The following SPATC1 variants were observed in gnomAD, a reference collection of about 807,000 sequenced individuals.
SPATC1 encodes the protein spermatogenesis and centriole associated 1, also known as speriolin.
A neutral mutation model predicts 36.5 loss-of-function variants in SPATC1; 35 were observed. That is an observed-to-expected ratio of 0.96 (90% CI 0.73 to 1.27). The LOEUF (loss-of-function observed/expected upper bound fraction) is 1.27. Among genes scored for constraint, SPATC1 ranks in the 50% most tolerant of loss-of-function variants. The pLI, the probability that SPATC1 is intolerant of heterozygous loss-of-function variation, is 0.00. For missense variants in SPATC1, 779 were observed against 796.0 expected, an observed-to-expected ratio of 0.98 and a Z score of 0.26; for synonymous variants, 361 against 353.6, an observed-to-expected ratio of 1.02 and a Z score of -0.24.
chr8:144,019,033 C>G (rs1765491363), intron 1 of SPATC1, among the ~76,000 whole-genome samples: 1 of 133,464 alleles, frequency 7.5e-6, no homozygotes, highest in Non-Finnish European at 1.5e-5. Context: ...CAGAGCGAGA[C>G]TCCGTCTCAA....
chr8:144,025,049 C>T (rs940177807), intron 1 of SPATC1, among the ~76,000 whole-genome samples: 1 of 148,304 alleles, frequency 6.7e-6, no homozygotes, highest in African/African-American at 2.5e-5. Context: ...CCCTCTCCCC[C>T]TAGGACCATC....
Position 144,040,029 on chromosome 8 carries a change from G to A in SPATC1, c.332G>A (p.Gly111Asp). 1 of 1,613,740 alleles carries A rather than the reference G, an allele frequency of 6.2e-7. No individual in the cohort carries two copies. Among genetic ancestry groups the A allele is most frequent in the Non-Finnish European group, 8.5e-7 (1 of 1,179,996 alleles). ...LTSLQPSATP[G>D]SLMSPLTGTL... ...AGCTTGCAGCCCAGCGCCACACCGG[G>A]CTCACTCATGAGCCCCCTGACAGGC... The change falls in exon 2 of 5, where the codon GGC (glycine) becomes GAC (aspartate). Residue 111 changes from glycine (G) to aspartate (D), a missense_variant. Coordinates refer to ENST00000377470, the MANE Select transcript of SPATC1 (RefSeq NM_198572.3).
At chr8:144,030,692 T>C (rs1834775877) in intron 1 of SPATC1, among the ~76,000 whole-genome samples, 2 of 152,176 alleles carry the variant, frequency 1.3e-5, no homozygotes, top group African/African-American at 4.8e-5. Context: ...TATGTCTTTT[T>C]TCCCCTCAGT....
chr8:144,036,271 G>T (rs1296046131), intron 1 of SPATC1, among the ~76,000 whole-genome samples: 4 of 152,090 alleles, frequency 2.6e-5, no homozygotes, highest in Non-Finnish European at 4.4e-5. Context: ...AAGTAAAAGA[G>T]CAGCTGACTG....
At chr8:144,038,426 C>T (rs1292659103) in intron 1 of SPATC1, among the ~76,000 whole-genome samples, 3 of 135,208 alleles carry the variant, frequency 2.2e-5, no homozygotes, top group Non-Finnish European at 4.7e-5. Context: ...GAGCGAGACT[C>T]TGTCTCAAAA....
intron 1 of SPATC1, among the ~76,000 whole-genome samples, chr8:144,028,001 A>G (rs1174281375): frequency 6.6e-6 from 1 of 152,094 alleles, no homozygotes; most frequent in Non-Finnish European, 1.5e-5. Context: ...AAAAAAAAAA[A>G]GATTATTTTA....
chr8:144,036,352 T>C (rs1193519627), intron 1 of SPATC1, among the ~76,000 whole-genome samples: 2 of 152,128 alleles, frequency 1.3e-5, no homozygotes, highest in African/African-American at 4.8e-5. Context: ...TGAGACAGGA[T>C]CTCATGCCGT....
chr8:144,041,879 C>T (rs1309265502), intron 4 of SPATC1: 16 of 868,148 alleles, frequency 1.8e-5, no homozygotes, highest in Non-Finnish European at 2.2e-5. Context: ...GTAGCCTAAG[C>T]GGGAGCTACT....
chr8:144,023,753 T>C (rs2133113433), intron 1 of SPATC1, among the ~76,000 whole-genome samples: 2 of 246 alleles, frequency 8.1e-3, no homozygotes, highest in Non-Finnish European at 0.015. Context: ...AAAACTCTCT[T>C]CCTTCAGAAC....
chr8:144,019,471 A>G (rs1171971631), intron 1 of SPATC1, among the ~76,000 whole-genome samples: 8 of 152,158 alleles, frequency 5.3e-5, no homozygotes, highest in African/African-American at 1.9e-4. Context: ...CCGTTGGCCG[A>G]GTTAACTTCA....
At position 144,040,175 on chromosome 8, in the gene SPATC1, C is replaced by T. The variant is rs782135906; in HGVS notation, c.478C>T (p.Pro160Ser). 4 of 1,610,852 alleles carry T rather than the reference C, an allele frequency of 2.5e-6. No individual in the cohort carries two copies. In the South Asian group the frequency reaches 4.4e-5, roughly 18 times the overall value. Residue 160 changes from proline to serine, a missense_variant, in exon 2 of 5, where the codon CCC becomes TCC. Physicochemically the swap from Pro to Ser is moderately conservative, Grantham distance 74. Coordinates refer to ENST00000377470, the MANE Select transcript of SPATC1 (RefSeq NM_198572.3). ...TGTLASSLGLPSTGTLTPSSL... is the reference protein window; with the variant it reads ...TGTLASSLGLSSTGTLTPSSL... ...CACACTGGCCAGTTCCCTGGGCCTG[C>T]CCTCCACTGGCACCCTGACTCCCAG... is the stretch of plus-strand genomic sequence containing the variant.
intron 1 of SPATC1, among the ~76,000 whole-genome samples, chr8:144,030,044 GTTC>G (rs1834763458): frequency 1.3e-5 from 2 of 152,126 alleles, no homozygotes; most frequent in African/African-American, 4.8e-5. Context: ...AATATATAAT[GTTC>G]TTCTTTGCCT....
intron 1 of SPATC1, among the ~76,000 whole-genome samples, chr8:144,014,992 A>T (rs1237989844): frequency 3.9e-5 from 6 of 152,262 alleles, no homozygotes; most frequent in African/African-American, 1.4e-4. Context: ...GTTTCTCACA[A>T]GGAGCGGTGC....
At chr8:144,042,309 A>ATTTTTTTTTTTT (rs1240723676) in intron 4 of SPATC1, among the ~76,000 whole-genome samples, 2 of 42,404 alleles carry the variant, frequency 4.7e-5, no homozygotes, top group Non-Finnish European at 7.1e-5. Context: ...ATATATATAT[A>ATTTTTTTTTTTT]TATTTTTTTT....
intron 1 of SPATC1, among the ~76,000 whole-genome samples, chr8:144,038,236 C>T (rs1834966602): frequency 6.6e-6 from 1 of 151,806 alleles, no homozygotes; most frequent in South Asian, 2.1e-4. Flanking sequence ...AGATCAAAAC[C>T]ATCCTGGTCA....
At position 144,013,343 on chromosome 8, in the gene SPATC1, C is replaced by T. The variant is rs1353228829; in HGVS notation, c.211+617C>T. Among the ~76,000 whole-genome samples the T allele has an allele frequency of 2.0e-5, 3 of 152,280 alleles. No homozygotes were observed. The East Asian group carries it at 5.8e-4, about 29-fold the overall frequency. Reference sequence around the variant, plus strand: ...AGCCAGCGTACCCACAGCGCAGCTTCAACTCTCCACTAGAACTCAAGATCC... The same window carrying T: ...AGCCAGCGTACCCACAGCGCAGCTTTAACTCTCCACTAGAACTCAAGATCC... On this transcript the variant is annotated intron_variant, in intron 1 of 4. Transcript: ENST00000377470.
At chr8:144,014,689 G>C (rs1275264270) in intron 1 of SPATC1, among the ~76,000 whole-genome samples, 1 of 152,162 alleles carries the variant, frequency 6.6e-6, no homozygotes, top group East Asian at 1.9e-4. Flanking sequence ...CAGCCAACTG[G>C]TTGTGAAGGG....
In SPATC1 at chr8:144,040,954, A is replaced by C. The variant is rs782583576; in HGVS notation, c.1153A>C (p.Asn385His). Residue 385 changes from asparagine to histidine, a missense_variant, in exon 3 of 5, where the codon AAC becomes CAC. Physicochemically the swap from Asn to His is moderately conservative, Grantham distance 68. Coordinates refer to ENST00000377470, the MANE Select transcript of SPATC1 (RefSeq NM_198572.3). ...NLPVPHCPPHNAHSPPRTSSS... is the reference protein window; with the variant it reads ...NLPVPHCPPHHAHSPPRTSSS... ...GCCTGTCCCCCACTGTCCTCCACACAACGCCCACTCCCCACCTCGTACCTC... is the reference window on the plus strand; with the variant it reads ...GCCTGTCCCCCACTGTCCTCCACACCACGCCCACTCCCCACCTCGTACCTC... 17 of 1,602,430 alleles carry C rather than the reference A, an allele frequency of 1.1e-5. No individual in the cohort carries two copies. The highest frequency in any genetic ancestry group is 1.4e-5 in the Non-Finnish European group (17 of 1,176,264).
Position 144,016,079 on chromosome 8 carries a change from GAAA to G in SPATC1, c.211+3357_211+3359del, listed in dbSNP as rs1338480006. On this transcript the variant is annotated intron_variant, in intron 1 of 4. Transcript: ENST00000377470. This position sits in a 1 kb window ranked among gnomAD's most constrained non-coding sequence, Gnocchi z 4.5. ...GACTCTGTCTCAAAAAAAAAAAAAA[GAAA>G]AAAGAAAGAAAGAAAGAAAAGAAAT... Among the ~76,000 whole-genome samples, 2 of 144,900 alleles carry G rather than the reference GAAA, an allele frequency of 1.4e-5. No individual in the cohort carries two copies. The highest frequency in any genetic ancestry group is 2.6e-5 in the African/African-American group (1 of 38,292).
Sources: allele counts gnomAD v4.1 joint callset (sites outside exome capture counted in the v4.1 genomes callset), GRCh38; gene constraint gnomAD v4.1.1; non-coding constraint Gnocchi (gnomAD v3.1); transcripts MANE v1.5; gene names NCBI Gene and HGNC (gene_info 2026-07-23, HGNC 2026-07-21).